Variants in SATL1 observed in about 807,000 individuals in gnomAD.
SATL1 encodes spermidine/spermine N(1)-acetyltransferase-like protein 1.
SATL1 carries 47 observed loss-of-function variants against 51.8 expected under a neutral mutation model. The ratio of observed to expected loss-of-function variants is 0.91; its 90% CI spans 0.72 to 1.16. The LOEUF (loss-of-function observed/expected upper bound fraction) is 1.16. SATL1 is among the 50% of genes most tolerant of loss of function. SATL1 has a pLI of 0.00. For synonymous variants in SATL1, 176 were observed against 182.4 expected (o/e 0.97, Z 0.28); for missense variants, 520 against 526.4 (o/e 0.99, Z 0.12).
intron 2 of SATL1, among the ~76,000 whole-genome samples, chrX:85,144,048 T>A (rs959336192): frequency 1.8e-5 from 2 of 111,853 alleles, no homozygotes; most frequent in Non-Finnish European, 3.8e-5. Flanking sequence ...AGTACAACTT[T>A]TTTTTTCTAA....
intron 2 of SATL1, among the ~76,000 whole-genome samples, chrX:85,203,833 C>T (rs767206988): frequency 1.8e-5 from 2 of 112,696 alleles, no homozygotes; most frequent in South Asian, 7.3e-4. Flanking sequence ...GGCTGGAATT[C>T]CAAGCCAGTG....
At chrX:85,148,810 A>G (rs930564824) in intron 2 of SATL1, among the ~76,000 whole-genome samples, 8 of 111,740 alleles carry the variant, frequency 7.2e-5, no homozygotes, top group African/African-American at 2.6e-4. Flanking sequence ...GAGCTCCTGA[A>G]GGAAGCACTA....
In SATL1 at chrX:85,146,932, C is replaced by T. The variant is rs150528833; in HGVS notation, c.-312-37652G>A. On this transcript the variant is annotated intron_variant, in intron 2 of 7. Transcript: ENST00000644105. ...ATTTCTGCATTTCCATCTGAGGTAC[C>T]GGGTTCATCTCACTAGGGAGTACCA... is the stretch of plus-strand genomic sequence containing the variant. 6.9e-3 allele frequency among the ~76,000 whole-genome samples: 772 copies of T among 112,471 alleles called. 8 individuals are homozygous for T. The highest frequency in any genetic ancestry group is 0.024 in the African/African-American group (748 of 30,963).
chrX:85,152,752 G>T (rs1408791832), intron 2 of SATL1, among the ~76,000 whole-genome samples: 1 of 110,390 alleles, frequency 9.1e-6, no homozygotes, highest in African/African-American at 3.3e-5. Flanking sequence ...TCACTCATAG[G>T]TGGGAATTGA....
In SATL1 at chrX:85,108,655, C is replaced by T; in HGVS notation, c.314G>A (p.Ser105Asn). The change falls in exon 3 of 8, where the codon AGC (serine) becomes AAC (asparagine). Residue 105 changes from serine to asparagine, a missense_variant. Transcript: ENST00000644105. ...SQLVLSKAGISQPDPSQPGPS... is the reference protein window; with the variant it reads ...SQLVLSKAGINQPDPSQPGPS... ...GCCTGGTTGCGATGGGTCTGGTTGG[C>T]TTATGCCTGCTTTGCTCAGGACTAG... 2 of 1,200,780 alleles carry T rather than the reference C, an allele frequency of 1.7e-6. No individual in the cohort carries two copies. The highest frequency in any genetic ancestry group is 2.2e-6 in the Non-Finnish European group (2 of 889,673).
intron 2 of SATL1, among the ~76,000 whole-genome samples, chrX:85,202,702 G>A (rs137923408): frequency 0.02 from 2,223 of 112,095 alleles, 43 homozygotes; most frequent in African/African-American, 0.051. Flanking sequence ...CAAGATGGAG[G>A]GTTTGTGCTG....
At chrX:85,230,389 C>A (rs1928355525) in intron 1 of SATL1, among the ~76,000 whole-genome samples, 1 of 111,845 alleles carries the variant, frequency 8.9e-6, no homozygotes, top group African/African-American at 3.2e-5. Flanking sequence ...TGAAATTGGT[C>A]ATTTCTTTAT....
At chrX:85,137,117 G>A (rs945481304) in intron 2 of SATL1, among the ~76,000 whole-genome samples, 9 of 111,111 alleles carry the variant, frequency 8.1e-5, no homozygotes, top group Non-Finnish European at 1.1e-4. Context: ...GGAAGAATGG[G>A]ATTCGTTAGG....
At chrX:85,166,126 T>C (rs890736606) in intron 2 of SATL1, among the ~76,000 whole-genome samples, 4 of 111,059 alleles carry the variant, frequency 3.6e-5, no homozygotes, top group African/African-American at 9.8e-5. Context: ...AAAAATCAAC[T>C]CAAGATGGAT....
chrX:85,107,538 G>T lies in SATL1; in HGVS notation c.1431C>A (p.Gly477=). ...NQTGMSHPGR[G]QPGIWEPGPS... ...GCCCCGGTTCCCATATGCCTGGTTG[G>T]CCCCTGCCTGGATGGCTCATGCCTG... Residue 477 remains glycine (G), a synonymous_variant, in exon 3 of 8, where the codon GGC becomes GGA. Coordinates refer to ENST00000644105, the MANE Select transcript of SATL1 (RefSeq NM_001367857.2). The T allele has an allele frequency of 8.3e-7, 1 of 1,211,962 alleles. No homozygotes were observed. The highest frequency in any genetic ancestry group is 1.1e-6 in the Non-Finnish European group (1 of 895,519).
At chrX:85,189,741 A>G (rs1927396412) in intron 2 of SATL1, among the ~76,000 whole-genome samples, 1 of 112,266 alleles carries the variant, frequency 8.9e-6, no homozygotes, top group South Asian at 3.7e-4. Context: ...TTGCTCTAAT[A>G]TGGATATTTC....
chrX:85,183,648 A>G (rs1927255530), intron 2 of SATL1, among the ~76,000 whole-genome samples: 1 of 111,045 alleles, frequency 9.0e-6, no homozygotes. Context: ...TCCTTTTTTA[A>G]AAGAAGTTTT....
At chrX:85,128,295 C>T (rs1387956217) in intron 2 of SATL1, among the ~76,000 whole-genome samples, 1 of 111,888 alleles carries the variant, frequency 8.9e-6, no homozygotes. Flanking sequence ...TCTCCACATC[C>T]TCTCCAGCAC....
At chrX:85,201,482 G>T (rs995247506) in intron 2 of SATL1, among the ~76,000 whole-genome samples, 3 of 110,502 alleles carry the variant, frequency 2.7e-5, no homozygotes, top group Non-Finnish European at 5.7e-5. Context: ...TTTAATTTTA[G>T]GTTTAGGGGT....
intron 2 of SATL1, among the ~76,000 whole-genome samples, chrX:85,156,157 A>C (rs2147725205): frequency 9.0e-6 from 1 of 111,460 alleles, no homozygotes; most frequent in African/African-American, 3.2e-5. Context: ...GAACATGGAA[A>C]ACGTTAAAAA....
At chrX:85,096,018 C>G (rs1247024757) in intron 4 of SATL1, among the ~76,000 whole-genome samples, 1 of 109,518 alleles carries the variant, frequency 9.1e-6, no homozygotes, top group African/African-American at 3.3e-5. Flanking sequence ...GTCTAGCTTT[C>G]AACAAAAATC....
At chrX:85,227,525 C>T (rs1007081315) in intron 1 of SATL1, among the ~76,000 whole-genome samples, 2 of 111,700 alleles carry the variant, frequency 1.8e-5, no homozygotes, top group Non-Finnish European at 3.8e-5. Flanking sequence ...TATACACCAC[C>T]ATTTATAAAG....
intron 2 of SATL1, among the ~76,000 whole-genome samples, chrX:85,130,158 C>G (rs1234772022): frequency 1.8e-5 from 2 of 111,829 alleles, no homozygotes; most frequent in Non-Finnish European, 3.8e-5. Context: ...ATGCTGGCCT[C>G]ATAAAATGAG....
intron 2 of SATL1, among the ~76,000 whole-genome samples, chrX:85,140,261 T>C (rs1332483612): frequency 1.8e-5 from 2 of 112,288 alleles, no homozygotes; most frequent in Admixed American, 1.9e-4. Flanking sequence ...ATTTGAACTA[T>C]GTTTATGTGA....
Sources: allele counts gnomAD v4.1 joint callset (sites outside exome capture counted in the v4.1 genomes callset), GRCh38; gene constraint gnomAD v4.1.1; transcripts MANE v1.5; gene names NCBI Gene and HGNC (gene_info 2026-07-23, HGNC 2026-07-21).